The following KLHL40 variants were observed in gnomAD, a reference collection of about 807,000 sequenced individuals.
The protein encoded by KLHL40 is kelch like family member 40, also known as kelch-like protein 40.
In KLHL40, 44 loss-of-function variants were observed where a neutral mutation model predicts 49.7. That is an observed-to-expected ratio of 0.89 (90% confidence interval 0.70 to 1.14). The LOEUF (loss-of-function observed/expected upper bound fraction) is 1.14. Ranked by LOEUF, KLHL40 falls within the 50% of genes most tolerant of loss-of-function variation. The probability of loss-of-function intolerance (pLI) is 0.00; values close to 1 mark genes in which losing one functional copy is unlikely to be tolerated. For missense variants in KLHL40, 892 were observed against 850.3 expected, an observed-to-expected ratio of 1.05 and a Z score of -0.61; for synonymous variants, 409 against 365.2, an observed-to-expected ratio of 1.12 and a Z score of -1.37.
chr3:42,689,870 G>A (rs1403041234), intron 4 of KLHL40, among the ~76,000 whole-genome samples: 6 of 152,118 alleles, frequency 3.9e-5, no homozygotes, highest in Admixed American at 3.9e-4. Flanking sequence ...CATTTCTAAC[G>A]CACCCCCAGG....
Position 42,690,909 on chromosome 3 carries a change from T to G in KLHL40, c.1658T>G (p.Val553Gly). ...CAGGAGCGTAGCTCACTCAGCCTGG[T>G]CAGCCTGGTGGGTACCCTCTATGCC... ...FPQERSSLSLVSLVGTLYAIG... is the reference protein window; with the variant it reads ...FPQERSSLSLGSLVGTLYAIG... The change falls in exon 5 of 6, where the codon GTC becomes GGC. Residue 553 changes from valine to glycine, a missense_variant. Coordinates refer to ENST00000287777, the MANE Select transcript of KLHL40 (RefSeq NM_152393.4). 1 of 1,613,736 alleles carries G rather than the reference T, an allele frequency of 6.2e-7. No individual in the cohort carries two copies. The highest frequency in any genetic ancestry group is 2.2e-5 in the East Asian group (1 of 44,872).
In KLHL40 at chr3:42,692,350, G is replaced by A; in HGVS notation, c.*357G>A. On this transcript the variant is annotated 3_prime_UTR_variant, in exon 6 of 6. Transcript: ENST00000287777. Reference sequence around the variant, plus strand: ...CAGCCTTCTCGTCTGTCCGATGGGAGCATCCCCATCAAGTGCAGTGTACAG... The same window carrying A: ...CAGCCTTCTCGTCTGTCCGATGGGAACATCCCCATCAAGTGCAGTGTACAG... The A allele has an allele frequency of 2.4e-6, 1 of 410,980 alleles. No individual in the cohort carries two copies. The highest frequency in any genetic ancestry group is 4.5e-6 in the Non-Finnish European group (1 of 222,724). 25.5% of individuals were successfully genotyped at this position (410,980 alleles called of 1,614,324 possible).
chr3:42,686,815 G>A lies in KLHL40; in HGVS notation c.1152+45G>A, dbSNP rs756101004. ...AGCCGCCAGCTAATGCTGGGCTCTA[G>A]GCACTGTGGACAGTCTTGGGGCCCA... On this transcript the variant is annotated intron_variant, in intron 1 of 5. Transcript: ENST00000287777. The A allele has an allele frequency of 2.0e-6, 3 of 1,526,006 alleles. No homozygotes were observed. The Admixed American group carries it at 5.7e-5, about 29-fold the overall frequency. The allele number at this position is 1,526,006 out of a possible 1,614,324, so 94.5% of individuals were successfully genotyped here. A position where few individuals can be genotyped will look rare whatever the true frequency, so the allele number is the denominator to read the frequency against.
chr3:42,686,488 CA>C lies in KLHL40; in HGVS notation c.873del (p.Ala292GlnfsTer31). On this transcript the variant is annotated frameshift_variant, in exon 1 of 6. Coordinates refer to ENST00000287777, the MANE Select transcript of KLHL40 (RefSeq NM_152393.4). LOFTEE classifies it high-confidence loss of function. ...KEADKGTSKA[K>X]AEEDEEAERI... ...AGGCTGATAAGGGCACAAGCAAAGCCAAAGCAGAGGAGGATGAGGAGGCCGA... is the reference window on the plus strand; with the variant it reads ...AGGCTGATAAGGGCACAAGCAAAGCCAAGCAGAGGAGGATGAGGAGGCCGA... The C allele has an allele frequency of 6.2e-7, 1 of 1,614,090 alleles. No individual in the cohort carries two copies. Among genetic ancestry groups the C allele is most frequent in the Non-Finnish European group, 8.5e-7 (1 of 1,180,022 alleles).
Position 42,688,241 on chromosome 3 carries a change from G to A in KLHL40, c.1252G>A (p.Gly418Ser), listed in dbSNP as rs749809217. ...GEALNSIYVV[G>S]GREIKDGERC... ...AGCTCTCAACTCCATCTACGTGGTC[G>A]GTGGCAGAGAGATCAAGGACGGCGA... is the stretch of plus-strand genomic sequence containing the variant. The change falls in exon 2 of 6, where the codon GGT (glycine) becomes AGT (serine). Residue 418 changes from glycine to serine, a missense_variant. Physicochemically the swap from Gly to Ser is moderately conservative, Grantham distance 56 (BLOSUM62 0). Coordinates refer to ENST00000287777, the MANE Select transcript of KLHL40 (RefSeq NM_152393.4). This position sits in a 1 kb window ranked among gnomAD's most constrained non-coding sequence, Gnocchi z 4.2. 3.7e-6 allele frequency: 6 copies of A among 1,613,888 alleles called. No homozygotes were observed. Among genetic ancestry groups the A allele is most frequent in the East Asian group, 2.2e-5 (1 of 44,870 alleles).
rs1056535207 is a variant in KLHL40, at chr3:42,688,511, C to G, written c.1314-99C>G. The G allele has an allele frequency of 1.9e-6, 2 of 1,033,380 alleles. No homozygotes were observed. Among genetic ancestry groups the G allele is most frequent in the Non-Finnish European group, 2.9e-6 (2 of 678,366 alleles). 64.0% of individuals were successfully genotyped at this position (1,033,380 alleles called of 1,614,324 possible). A position where few individuals can be genotyped will look rare whatever the true frequency, so the allele number is the denominator to read the frequency against. ...TTCCAGCAATGGATCTGACGCATCT[C>G]GAATATGTGTTAGGTGGATGGGCGG... is the stretch of plus-strand genomic sequence containing the variant. On this transcript the variant is annotated intron_variant, in intron 2 of 5. Coordinates refer to ENST00000287777, the MANE Select transcript of KLHL40 (RefSeq NM_152393.4). This position sits in a 1 kb window ranked among gnomAD's most constrained non-coding sequence, Gnocchi z 4.2.
Position 42,688,607 on chromosome 3 carries a change from C to T in KLHL40, c.1314-3C>T, listed in dbSNP as rs1697311727. Reference sequence around the variant, plus strand: ...CCCCCACCCCCACTCCCGTCTCCTCCAGGTCATTCAAATGGGGTGAATCGG... The same window carrying T: ...CCCCCACCCCCACTCCCGTCTCCTCTAGGTCATTCAAATGGGGTGAATCGG... On this transcript the variant is annotated splice_polypyrimidine_tract_variant and splice_region_variant and intron_variant, in intron 2 of 5. Coordinates refer to ENST00000287777, the MANE Select transcript of KLHL40 (RefSeq NM_152393.4). The surrounding 1 kb of genome is among the most constrained non-coding windows in gnomAD (Gnocchi z 4.2). The T allele has an allele frequency of 6.2e-7, 1 of 1,612,044 alleles. No individual in the cohort carries two copies. Among genetic ancestry groups the T allele is most frequent in the Non-Finnish European group, 8.5e-7 (1 of 1,178,482 alleles).
chr3:42,691,015 AC>A lies in KLHL40; in HGVS notation c.1754+13del, dbSNP rs759245706. 26 of 1,597,788 alleles carry A rather than the reference AC, an allele frequency of 1.6e-5. No individual in the cohort carries two copies. Among genetic ancestry groups the A allele is most frequent in the Non-Finnish European group, 6.0e-6 (7 of 1,170,924 alleles). On this transcript the variant is annotated intron_variant, in intron 5 of 5. Coordinates refer to ENST00000287777, the MANE Select transcript of KLHL40 (RefSeq NM_152393.4). ...TCAATGACATCTGGAGGTGAGTCCCACCCTGGGGAGGCAAGGGGGCATCATG... is the reference window on the plus strand; with the variant it reads ...TCAATGACATCTGGAGGTGAGTCCCACCTGGGGAGGCAAGGGGGCATCATG...
At position 42,685,641 on chromosome 3, in the gene KLHL40, C is replaced by T. The variant is rs1165144213; in HGVS notation, c.23C>T (p.Ala8Val). 14 of 1,604,234 alleles carry T rather than the reference C, an allele frequency of 8.7e-6. No individual in the cohort carries two copies. Among genetic ancestry groups the T allele is most frequent in the South Asian group, 2.2e-5 (2 of 89,644 alleles). The part of the protein sequence containing the change: MALGLEQ[A>V]EEQRLYQQTL... ...ACCATGGCGCTGGGCTTGGAGCAGG[C>T]GGAGGAGCAGCGGTTGTACCAGCAG... Residue 8 changes from alanine (A) to valine (V), a missense_variant, in exon 1 of 6, where the codon GCG becomes GTG. Physicochemically the swap from Ala to Val is moderately conservative, Grantham distance 64. Coordinates refer to ENST00000287777, the MANE Select transcript of KLHL40 (RefSeq NM_152393.4).
Position 42,688,692 on chromosome 3 carries a change from G to C in KLHL40, c.1396G>C (p.Val466Leu). ...TVLSHMDLVY[V>L]IGGKGSDRKC... ...GCTCTCCCACATGGACCTTGTCTAC[G>C]TAATTGGCGGCAAAGGCAGTGACAG... Residue 466 changes from valine to leucine, a missense_variant, in exon 3 of 6, where the codon GTA (valine) becomes CTA (leucine). By Grantham distance (32) the Val-to-Leu change is conservative. Coordinates refer to ENST00000287777, the MANE Select transcript of KLHL40 (RefSeq NM_152393.4). The surrounding 1 kb of genome is among the most constrained non-coding windows in gnomAD (Gnocchi z 4.2). The C allele has an allele frequency of 6.2e-7, 1 of 1,613,958 alleles. No homozygotes were observed. Among genetic ancestry groups the C allele is most frequent in the Non-Finnish European group, 8.5e-7 (1 of 1,179,934 alleles).
intron 4 of KLHL40, 21 bp from the exon 5 acceptor site, chr3:42,690,838 C>T: frequency 1.3e-6 from 2 of 1,571,734 alleles, no homozygotes; most frequent in Non-Finnish European, 1.7e-6. Context: ...CCCAATGATG[C>T]ACCTTCTCAC....
In KLHL40 at chr3:42,685,707, G is replaced by A. The variant is rs1697258720; in HGVS notation, c.89G>A (p.Gly30Asp). ...QDGLKDMLDHGKFLDCVVRAG... is the reference protein window; with the variant it reads ...QDGLKDMLDHDKFLDCVVRAG... ...GGGCTCAAAGACATGCTGGACCATG[G>A]CAAGTTCCTCGACTGTGTGGTGCGG... is the stretch of plus-strand genomic sequence containing the variant. The change falls in exon 1 of 6, where the codon GGC becomes GAC. Residue 30 changes from glycine (G) to aspartate (D), a missense_variant. Physicochemically the swap from Gly to Asp is moderately conservative, Grantham distance 94 (BLOSUM62 -1). Transcript: ENST00000287777. 2 of 1,613,224 alleles carry A rather than the reference G, an allele frequency of 1.2e-6. No homozygotes were observed. The highest frequency in any genetic ancestry group is 1.7e-6 in the Non-Finnish European group (2 of 1,179,838).
intron 4 of KLHL40, among the ~76,000 whole-genome samples, chr3:42,690,250 T>C (rs1697341587): frequency 6.6e-6 from 1 of 152,088 alleles, no homozygotes. Context: ...GCAGCTGCAT[T>C]ATCCAGGAAG....
At position 42,688,733 on chromosome 3, in the gene KLHL40, G is replaced by A. The variant is rs753474197; in HGVS notation, c.1421+16G>A. ...GCAGTGACAGGTGAGGCTGGGCCTG[G>A]AGTGAGTCTGTGGAGCAGAGGTAGA... On this transcript the variant is annotated intron_variant, in intron 3 of 5. Transcript: ENST00000287777. This position sits in a 1 kb window ranked among gnomAD's most constrained non-coding sequence, Gnocchi z 4.2. 1 of 1,604,908 alleles carries A rather than the reference G, an allele frequency of 6.2e-7. No homozygotes were observed. Among genetic ancestry groups the A allele is most frequent in the African/African-American group, 1.3e-5 (1 of 74,832 alleles).
At chr3:42,691,072 G>GCTAT in intron 5 of KLHL40, 67 bp downstream of exon 5, 1 of 1,495,470 alleles carries the variant, frequency 6.7e-7, no homozygotes, top group Non-Finnish European at 9.0e-7. Flanking sequence ...GCACCATGGT[G>GCTAT]GGGTACCAAG....
chr3:42,689,029 G>A lies in KLHL40; in HGVS notation c.1582G>A (p.Glu528Lys), dbSNP rs397509419. The A allele has an allele frequency of 2.4e-5, 39 of 1,613,776 alleles. No homozygotes were observed. In the East Asian group the frequency reaches 5.8e-4, roughly 24 times the overall value. The change falls in exon 4 of 6, where the codon GAA (glutamate) becomes AAA (lysine). Residue 528 changes from glutamate to lysine, a missense_variant. Transcript: ENST00000287777. ...CGACACAGGGCTGACCAGTTCTGCC[G>A]AAGTGTACAGCATCACAGACAACAA... is the stretch of plus-strand genomic sequence containing the variant. Reference protein sequence around the residue: ...VTDTGLTSSAEVYSITDNKWA... With the variant: ...VTDTGLTSSAKVYSITDNKWA...
chr3:42,690,887 G>A lies in KLHL40; in HGVS notation c.1636G>A (p.Glu546Lys), dbSNP rs137937929. ...GGCACCCTTCGAGGCCTTCCCACAG[G>A]AGCGTAGCTCACTCAGCCTGGTCAG... ...KWAPFEAFPQ[E>K]RSSLSLVSLV... Residue 546 changes from glutamate to lysine, a missense_variant, in exon 5 of 6, where the codon GAG (glutamate) becomes AAG (lysine). Transcript: ENST00000287777. 2.5e-6 allele frequency: 4 copies of A among 1,612,846 alleles called. No homozygotes were observed. Among genetic ancestry groups the A allele is most frequent in the Non-Finnish European group, 2.5e-6 (3 of 1,179,344 alleles).
chr3:42,688,199 C>G lies in KLHL40; in HGVS notation c.1210C>G (p.Leu404Val), dbSNP rs760491341. ...GCCACCGCTGCCCTCGCCCCGCTGC[C>G]TCTTTGGCCTGGGAGAAGCTCTCAA... ...GMPPLPSPRC[L>V]FGLGEALNSI... The change falls in exon 2 of 6, where the codon CTC (leucine) becomes GTC (valine). Residue 404 changes from leucine (L) to valine (V), a missense_variant. Leu to Val is a conservative substitution (Grantham distance 32). Coordinates refer to ENST00000287777, the MANE Select transcript of KLHL40 (RefSeq NM_152393.4). The surrounding 1 kb of genome is among the most constrained non-coding windows in gnomAD (Gnocchi z 4.2). 2.0e-5 allele frequency: 32 copies of G among 1,613,966 alleles called. No homozygotes were observed. In the South Asian group the frequency reaches 3.5e-4, roughly 18 times the overall value.
At position 42,690,908 on chromosome 3, in the gene KLHL40, G is replaced by A; in HGVS notation, c.1657G>A (p.Val553Ile). ...FPQERSSLSL[V>I]SLVGTLYAIG... The stretch of plus-strand genomic sequence containing the variant: ...ACAGGAGCGTAGCTCACTCAGCCTG[G>A]TCAGCCTGGTGGGTACCCTCTATGC... The change falls in exon 5 of 6, where the codon GTC becomes ATC. Residue 553 changes from valine (V) to isoleucine (I), a missense_variant. Coordinates refer to ENST00000287777, the MANE Select transcript of KLHL40 (RefSeq NM_152393.4). 1 of 1,613,704 alleles carries A rather than the reference G, an allele frequency of 6.2e-7. No individual in the cohort carries two copies. The highest frequency in any genetic ancestry group is 1.1e-5 in the South Asian group (1 of 91,070).
Sources: gnomAD v4.1 joint callset for allele counts (sites outside exome capture counted in the v4.1 genomes callset) on GRCh38, gnomAD v4.1.1 for gene constraint, Gnocchi (gnomAD v3.1) non-coding constraint, MANE v1.5 for transcripts, NCBI Gene and HGNC (gene_info 2026-07-23, HGNC 2026-07-21) for gene names.